Variants in UBE2D3 observed in about 807,000 individuals in gnomAD.
UBE2D3 encodes the protein ubiquitin conjugating enzyme E2 D3, also known as ubiquitin-conjugating enzyme E2 D3.
A neutral mutation model predicts 22.8 loss-of-function variants in UBE2D3; 2 were observed. The ratio of observed to expected loss-of-function variants is 0.09; its 90% CI spans 0.04 to 0.28. UBE2D3 has a LOEUF of 0.28. UBE2D3 is among the 10% of genes least tolerant of loss of function. The pLI, the probability that UBE2D3 is intolerant of heterozygous loss-of-function variation, is 1.00. For missense variants in UBE2D3, 27 were observed against 182.5 expected (o/e 0.15, Z 4.91); for synonymous variants, 56 against 60.4 (o/e 0.93, Z 0.34).
Position 102,799,451 on chromosome 4 carries a change from G to C in UBE2D3, c.354C>G (p.Pro118=). The change falls in exon 7 of 8, where the codon CCC becomes CCG. Residue 118 remains proline (P), a synonymous_variant. Coordinates refer to ENST00000453744, the MANE Select transcript of UBE2D3 (RefSeq NM_181891.3). The stretch of plus-strand genomic sequence containing the variant: ...AGATCCGTGCAATCTCTGGCACTAG[G>C]GGGTCATCTGGGTTTGGATCACATA... The part of the protein sequence containing the change: ...SLLCDPNPDD[P]LVPEIARIYK... 3.7e-6 allele frequency: 6 copies of C among 1,612,144 alleles called. No individual in the cohort carries two copies. The highest frequency in any genetic ancestry group is 4.2e-6 in the Non-Finnish European group (5 of 1,178,722).
chr4:102,824,910 TTTTAC>T (rs1337541455), intron 2 of UBE2D3, among the ~76,000 whole-genome samples: 8 of 152,240 alleles, frequency 5.3e-5, no homozygotes, highest in African/African-American at 1.7e-4. Context: ...TCAAAATAAT[TTTTAC>T]TTTAATCCTT....
intron 7 of UBE2D3, among the ~76,000 whole-genome samples, chr4:102,798,614 T>G (rs1267024293): frequency 1.3e-5 from 2 of 151,444 alleles, no homozygotes; most frequent in Admixed American, 1.3e-4. Flanking sequence ...CACCACATTC[T>G]GTATAGGATT....
At chr4:102,838,906 G>A (rs1305697949) in intron 1 of UBE2D3, among the ~76,000 whole-genome samples, 1 of 151,600 alleles carries the variant, frequency 6.6e-6, no homozygotes, top group African/African-American at 2.4e-5. Context: ...TGATACAAGA[G>A]GAGAGTTTCT....
chr4:102,802,787 T>C (rs914353638), intron 4 of UBE2D3, 149 bp from the exon 5 acceptor site: 13 of 494,642 alleles, frequency 2.6e-5, no homozygotes, highest in African/African-American at 2.0e-4. Context: ...ATTCAGTCTA[T>C]AGTAATAGAA....
chr4:102,853,613 T>C (rs1290427672), intron 1 of UBE2D3, among the ~76,000 whole-genome samples: 1 of 152,140 alleles, frequency 6.6e-6, no homozygotes, highest in Admixed American at 6.5e-5. Context: ...TGGAGAATAA[T>C]ATAAATTTGT....
At chr4:102,841,013 C>CT (rs992870778) in intron 1 of UBE2D3, among the ~76,000 whole-genome samples, 13 of 148,498 alleles carry the variant, frequency 8.8e-5, no homozygotes, top group South Asian at 4.3e-4. Context: ...GAACAAGACT[C>CT]TTTTAAAAAA....
At position 102,856,222 on chromosome 4, in the gene UBE2D3, C is replaced by A. The variant is rs187088279; in HGVS notation, c.-129+12493G>T. Among the ~76,000 whole-genome samples the A allele has an allele frequency of 8.2e-3, 1,247 of 152,126 alleles. 66 individuals are homozygous for A. The highest frequency in any genetic ancestry group is 0.071 in the Admixed American group (1,091 of 15,266). ...CTCTACTAAAAATACAAAAATTAGCCAGGCATGGTGGCGCAAGCCTGTGAT... is the reference window on the plus strand; with the variant it reads ...CTCTACTAAAAATACAAAAATTAGCAAGGCATGGTGGCGCAAGCCTGTGAT... On this transcript the variant is annotated intron_variant, in intron 1 of 7. Transcript: ENST00000338145.
intron 1 of UBE2D3, among the ~76,000 whole-genome samples, chr4:102,855,023 T>C (rs1404946788): frequency 6.6e-6 from 1 of 152,180 alleles, no homozygotes; most frequent in African/African-American, 2.4e-5. Flanking sequence ...GCTGACCAGA[T>C]ACTATAGAAT....
chr4:102,821,637 C>T (rs1266013328), intron 2 of UBE2D3, among the ~76,000 whole-genome samples: 4 of 151,932 alleles, frequency 2.6e-5, no homozygotes, highest in Admixed American at 6.6e-5. Context: ...AACAATCTGA[C>T]ATTTAAAAAT....
intron 2 of UBE2D3, chr4:102,811,547 T>TG (rs201561589): frequency 1 from 259,652 of 259,658 alleles, 129,823 homozygotes; most frequent in Middle Eastern, 1. Context: ...CCACGCATAG[T>TG]GCACACGCCT....
chr4:102,823,362 A>C (rs984069184), intron 2 of UBE2D3, among the ~76,000 whole-genome samples: 1 of 152,184 alleles, frequency 6.6e-6, no homozygotes, highest in African/African-American at 2.4e-5. Flanking sequence ...TCTTGAAATT[A>C]TCTCAGTGGA....
At chr4:102,821,042 A>C (rs1208761365) in intron 2 of UBE2D3, among the ~76,000 whole-genome samples, 2 of 152,164 alleles carry the variant, frequency 1.3e-5, no homozygotes, top group African/African-American at 4.8e-5. Flanking sequence ...CCTACATAAC[A>C]AGGTTGAGGA....
chr4:102,806,320 C>T lies in UBE2D3; in HGVS notation c.120+3352G>A, dbSNP rs556150745. Among the ~76,000 whole-genome samples the T allele has an allele frequency of 4.6e-5, 7 of 152,176 alleles. No individual in the cohort carries two copies. In the South Asian group the frequency reaches 1.5e-3, roughly 32 times the overall value. ...TAATATAGCCCTTCCTTTGTCTTAT[C>T]TGCTCCCTACCCTTCTTTTATACCT... On this transcript the variant is annotated intron_variant, in intron 4 of 7. Coordinates refer to ENST00000453744, the MANE Select transcript of UBE2D3 (RefSeq NM_181891.3).
chr4:102,848,593 C>A (rs982587406), intron 1 of UBE2D3, among the ~76,000 whole-genome samples: 2 of 151,392 alleles, frequency 1.3e-5, no homozygotes, highest in Admixed American at 6.6e-5. Context: ...TGCAGTGAGC[C>A]GAGATCACAC....
At chr4:102,864,726 A>G (rs1398317573) in intron 1 of UBE2D3, among the ~76,000 whole-genome samples, 1 of 152,244 alleles carries the variant, frequency 6.6e-6, no homozygotes, top group African/African-American at 2.4e-5. Flanking sequence ...CCAGGCATTC[A>G]CAATGCAATT....
intron 1 of UBE2D3, chr4:102,827,202 C>A (rs1189750584): frequency 1.0e-6 from 1 of 986,198 alleles, no homozygotes; most frequent in Non-Finnish European, 1.2e-6. Context: ...ACCTCCACCA[C>A]GCGCCCGCGC....
At chr4:102,868,063 C>G in intron 1 of UBE2D3, among the ~76,000 whole-genome samples, 1 of 133,690 alleles carries the variant, frequency 7.5e-6, no homozygotes, top group Non-Finnish European at 1.5e-5. Flanking sequence ...ATACATAAGG[C>G]TTTAGATTCT....
chr4:102,796,563 T>C lies in UBE2D3; in HGVS notation c.*852A>G, dbSNP rs555459172. On this transcript the variant is annotated 3_prime_UTR_variant, in exon 8 of 8. Transcript: ENST00000453744. ...TGCATTTACAAAAGATTGTTTCCCA[T>C]ACTGATTAATCCAGGCAGCTAACTC... 36 of 152,562 alleles carry C rather than the reference T, an allele frequency of 2.4e-4. No homozygotes were observed. The highest frequency in any genetic ancestry group is 7.2e-4 in the African/African-American group (30 of 41,552). The allele number at this position is 152,562 out of a possible 1,614,324, so 9.5% of individuals were successfully genotyped here.
At chr4:102,803,236 A>T (rs1399386641) in intron 4 of UBE2D3, among the ~76,000 whole-genome samples, 1 of 152,264 alleles carries the variant, frequency 6.6e-6, no homozygotes, top group Non-Finnish European at 1.5e-5. Flanking sequence ...GATAGAACCA[A>T]GATTCAAACA....
Sources: gnomAD v4.1 joint callset for allele counts (sites outside exome capture counted in the v4.1 genomes callset) on GRCh38, gnomAD v4.1.1 for gene constraint, MANE v1.5 for transcripts, NCBI Gene and HGNC (gene_info 2026-07-23, HGNC 2026-07-21) for gene names.